The following PCDHGA11 variants were observed in gnomAD, a reference collection of about 807,000 sequenced individuals.
The protein encoded by PCDHGA11 is protocadherin gamma subfamily A, 11, also known as protocadherin gamma-A11.
A neutral mutation model predicts 60.4 loss-of-function variants in PCDHGA11; 39 were observed. That is an observed-to-expected ratio of 0.65 (90% CI 0.50 to 0.84). The LOEUF is 0.84. Ranked by LOEUF, PCDHGA11 falls within the 40% of genes least tolerant of loss-of-function variation. The probability of loss-of-function intolerance (pLI) is 0.00; values close to 1 mark genes in which losing one functional copy is unlikely to be tolerated. For synonymous variants in PCDHGA11, 533 were observed against 510.3 expected (o/e 1.04, Z -0.60); for missense variants, 1,165 against 1,197.7 (o/e 0.97, Z 0.40).
intron 1 of PCDHGA11, among the ~76,000 whole-genome samples, chr5:141,469,490 G>A (rs1346871954): frequency 3.3e-5 from 5 of 152,146 alleles, no homozygotes; most frequent in East Asian, 3.9e-4. Context: ...CAGGAGAATC[G>A]CTTGAACCCG....
chr5:141,432,378 C>A lies in PCDHGA11; in HGVS notation c.2433+8718C>A. On this transcript the variant is annotated intron_variant, in intron 1 of 3. Coordinates refer to ENST00000398587, the MANE Select transcript of PCDHGA11 (RefSeq NM_018914.3). This position sits in a 1 kb window ranked among gnomAD's most constrained non-coding sequence, Gnocchi z 6.0. ...GTGATGGCGCGGGACAACGGGCACC[C>A]GCCCCTCAGCAGCAACGTGTCGTTG... 6.2e-7 allele frequency: 1 copy of A among 1,614,234 alleles called. No individual in the cohort carries two copies. Among genetic ancestry groups the A allele is most frequent in the South Asian group, 1.1e-5 (1 of 91,082 alleles).
At position 141,432,032 on chromosome 5, in the gene PCDHGA11, A is replaced by G; in HGVS notation, c.2433+8372A>G. On this transcript the variant is annotated intron_variant, in intron 1 of 3. Coordinates refer to ENST00000398587, the MANE Select transcript of PCDHGA11 (RefSeq NM_018914.3). The surrounding 1 kb of genome is among the most constrained non-coding windows in gnomAD (Gnocchi z 6.0). ...TAGCTACAACATCACAGTGACCGCC[A>G]CTGACCGGGGAACCCCGCCCCTATC... 2 of 1,614,242 alleles carry G rather than the reference A, an allele frequency of 1.2e-6. No homozygotes were observed. Among genetic ancestry groups the G allele is most frequent in the South Asian group, 1.1e-5 (1 of 91,086 alleles).
At chr5:141,428,049 G>A (rs770637382) in intron 1 of PCDHGA11, 16 of 1,608,954 alleles carry the variant, frequency 9.9e-6, no homozygotes, top group Non-Finnish European at 1.4e-5. Flanking sequence ...GGTGACCAAG[G>A]TGGTGGCGGT....
intron 2 of PCDHGA11, among the ~76,000 whole-genome samples, chr5:141,495,720 G>A (rs1048453188): frequency 2.6e-5 from 4 of 152,080 alleles, no homozygotes; most frequent in Non-Finnish European, 5.9e-5. Context: ...GTAACTACAC[G>A]GGACCCTTAG....
At chr5:141,465,466 C>T (rs1280373152) in intron 1 of PCDHGA11, among the ~76,000 whole-genome samples, 1 of 152,156 alleles carries the variant, frequency 6.6e-6, no homozygotes, top group African/African-American at 2.4e-5. Flanking sequence ...ACCAAATTGC[C>T]CTTGCTTCAT....
chr5:141,474,260 A>G (rs1459875243), intron 1 of PCDHGA11, among the ~76,000 whole-genome samples: 1 of 152,170 alleles, frequency 6.6e-6, no homozygotes, highest in Non-Finnish European at 1.5e-5. Flanking sequence ...AGACTGATAA[A>G]CCAGTGTATC....
chr5:141,486,153 C>A lies in PCDHGA11; in HGVS notation c.2434-8654C>A, dbSNP rs1330257915. On this transcript the variant is annotated intron_variant, in intron 1 of 3. Coordinates refer to ENST00000398587, the MANE Select transcript of PCDHGA11 (RefSeq NM_018914.3). This position sits in a 1 kb window ranked among gnomAD's most constrained non-coding sequence, Gnocchi z 5.0. ...GATGTGCGGGCTCGCGATGGGGGTTCTCCAGCCATGGAGCAACATTGCAGC... is the reference window on the plus strand; with the variant it reads ...GATGTGCGGGCTCGCGATGGGGGTTATCCAGCCATGGAGCAACATTGCAGC... 6.2e-7 allele frequency: 1 copy of A among 1,614,202 alleles called. No individual in the cohort carries two copies. The highest frequency in any genetic ancestry group is 1.7e-5 in the Admixed American group (1 of 60,022).
intron 1 of PCDHGA11, among the ~76,000 whole-genome samples, chr5:141,483,648 T>TTGTGTGTG (rs111458813): frequency 0.019 from 2,886 of 149,692 alleles, 51 homozygotes; most frequent in African/African-American, 0.054. Flanking sequence ...GGGTGTGTGT[T>TTGTGTGTG]TGTGTGTGTG....
chr5:141,494,153 G>T (rs2099752286), intron 1 of PCDHGA11, among the ~76,000 whole-genome samples: 1 of 152,186 alleles, frequency 6.6e-6, no homozygotes, highest in Non-Finnish European at 1.5e-5. Flanking sequence ...CCATTGTCTG[G>T]CACGGAGTTC....
intron 1 of PCDHGA11, among the ~76,000 whole-genome samples, chr5:141,450,025 G>C (rs963999877): frequency 2.7e-5 from 1 of 36,752 alleles, no homozygotes; most frequent in Non-Finnish European, 5.4e-5. Context: ...TTTTTTTTTT[G>C]AGACAGGGTC....
At chr5:141,436,074 G>A (rs1048063491) in intron 1 of PCDHGA11, among the ~76,000 whole-genome samples, 3 of 152,058 alleles carry the variant, frequency 2.0e-5, no homozygotes, top group Non-Finnish European at 4.4e-5. Context: ...TAAGTACAGT[G>A]TTCTATAGGT....
rs139344941 is a variant in PCDHGA11, at chr5:141,480,950, C to T, written c.2434-13857C>T. Among the ~76,000 whole-genome samples the T allele has an allele frequency of 6.7e-3, 1,016 of 152,086 alleles. 11 individuals carry two copies. Among genetic ancestry groups the T allele is most frequent in the African/African-American group, 0.023 (953 of 41,456 alleles). On this transcript the variant is annotated intron_variant, in intron 1 of 3. Transcript: ENST00000398587. ...GTCCCAGCTACTCTAGAGGCTGAGG[C>T]GGAAGCATCAGTGAGGGAGAATCAG...
rs146615755 is a variant in PCDHGA11 at position 141,486,022 on chromosome 5, T to C, written c.2434-8785T>C. The C allele has an allele frequency of 1.2e-6, 2 of 1,614,030 alleles. No homozygotes were observed. Among genetic ancestry groups the C allele is most frequent in the Non-Finnish European group, 1.7e-6 (2 of 1,180,036 alleles). Reference sequence around the variant, plus strand: ...GTAACGTCACCTTTTATTTCAGTGGTCATACCCCTGATCGTGTAAGAAACC... The same window carrying C: ...GTAACGTCACCTTTTATTTCAGTGGCCATACCCCTGATCGTGTAAGAAACC... On this transcript the variant is annotated intron_variant, in intron 1 of 3. Coordinates refer to ENST00000398587, the MANE Select transcript of PCDHGA11 (RefSeq NM_018914.3). The surrounding 1 kb of genome is among the most constrained non-coding windows in gnomAD (Gnocchi z 5.0).
intron 1 of PCDHGA11, among the ~76,000 whole-genome samples, chr5:141,462,479 GGTT>G (rs1329069527): frequency 6.6e-6 from 1 of 151,838 alleles, no homozygotes; most frequent in Non-Finnish European, 1.5e-5. Flanking sequence ...TGCTTCTCGT[GGTT>G]GTTGTATCCT....
At chr5:141,497,595 A>C (rs973413640) in intron 2 of PCDHGA11, among the ~76,000 whole-genome samples, 1 of 147,414 alleles carries the variant, frequency 6.8e-6, no homozygotes, top group East Asian at 2.0e-4. Context: ...GCTGGAGTGC[A>C]GTGGTGCGAT....
intron 1 of PCDHGA11, among the ~76,000 whole-genome samples, chr5:141,458,112 A>C (rs2098937913): frequency 6.6e-6 from 1 of 152,208 alleles, no homozygotes; most frequent in Non-Finnish European, 1.5e-5. Context: ...ATAGTCTCCA[A>C]ATTTTAGAGG....
Position 141,432,433 on chromosome 5 carries a change from T to C in PCDHGA11, c.2433+8773T>C, listed in dbSNP as rs760107558. 10 of 1,613,996 alleles carry C rather than the reference T, an allele frequency of 6.2e-6. No individual in the cohort carries two copies. The South Asian group carries it at 8.8e-5, about 14-fold the overall frequency. ...TGTTCGTGCTGGACCAGAACGACAA[T>C]GCGCCCGAGATCCTGTACCCCGCCC... On this transcript the variant is annotated intron_variant, in intron 1 of 3. Transcript: ENST00000398587. This position sits in a 1 kb window ranked among gnomAD's most constrained non-coding sequence, Gnocchi z 6.0.
At position 141,477,493 on chromosome 5, in the gene PCDHGA11, A is replaced by G. The variant is rs2154575835; in HGVS notation, c.2434-17314A>G. ...ATGACAACCCTCCACAATCTTCTCA[A>G]TCTTCCTACGACGTTTACATTGAAG... On this transcript the variant is annotated intron_variant, in intron 1 of 3. Transcript: ENST00000398587. This position sits in a 1 kb window ranked among gnomAD's most constrained non-coding sequence, Gnocchi z 4.9. 6.2e-7 allele frequency: 1 copy of G among 1,613,976 alleles called. No individual in the cohort carries two copies. The highest frequency in any genetic ancestry group is 1.6e-4 in the Middle Eastern group (1 of 6,062).
chr5:141,452,830 T>A (rs2098749929), intron 1 of PCDHGA11, among the ~76,000 whole-genome samples: 1 of 152,166 alleles, frequency 6.6e-6, no homozygotes, highest in South Asian at 2.1e-4. Context: ...CAAAATCACT[T>A]GGTCCAGCCC....
Sources: allele counts gnomAD v4.1 joint callset (sites outside exome capture counted in the v4.1 genomes callset), GRCh38; gene constraint gnomAD v4.1.1; non-coding constraint Gnocchi (gnomAD v3.1); transcripts MANE v1.5; gene names NCBI Gene and HGNC (gene_info 2026-07-23, HGNC 2026-07-21).